The following CTNNA3 variants were observed in gnomAD, a reference collection of about 807,000 sequenced individuals.
CTNNA3 encodes the protein catenin alpha-3.
A neutral mutation model predicts 95.7 loss-of-function variants in CTNNA3; 76 were observed. The observed-to-expected ratio is 0.79, with a 90% CI of 0.66 to 0.96. The LOEUF is 0.96. Ranked by LOEUF, CTNNA3 falls within the 40% of genes least tolerant of loss-of-function variation. The probability of loss-of-function intolerance (pLI) is 0.00; values close to 1 mark genes in which losing one functional copy is unlikely to be tolerated. For synonymous variants in CTNNA3, 431 were observed against 374.4 expected, an observed-to-expected ratio of 1.15 and a Z score of -1.74; for missense variants, 1,191 against 1,089.8, an observed-to-expected ratio of 1.09 and a Z score of -1.31.
intron 7 of CTNNA3, among the ~76,000 whole-genome samples, chr10:66,879,468 T>C (rs1485161923): frequency 6.6e-6 from 1 of 152,082 alleles, no homozygotes; most frequent in Non-Finnish European, 1.5e-5. Flanking sequence ...TAAGAATACC[T>C]AGTCAATCAT....
intron 2 of CTNNA3, among the ~76,000 whole-genome samples, chr10:67,645,710 A>G (rs1456088062): frequency 1.3e-5 from 2 of 152,020 alleles, no homozygotes; most frequent in Non-Finnish European, 2.9e-5. Flanking sequence ...TGTTCAGCAG[A>G]GCAATATTTA....
chr10:66,563,375 A>C (rs1211564288), intron 10 of CTNNA3, among the ~76,000 whole-genome samples: 4 of 152,122 alleles, frequency 2.6e-5, no homozygotes, highest in Admixed American at 6.6e-5. Context: ...TTTCTCTATG[A>C]ATACAGGCAT....
At chr10:67,156,397 T>C (rs1256586521) in intron 7 of CTNNA3, among the ~76,000 whole-genome samples, 1 of 152,106 alleles carries the variant, frequency 6.6e-6, no homozygotes, top group Non-Finnish European at 1.5e-5. Flanking sequence ...AAATATTTCT[T>C]CTTTTTGAAT....
At chr10:67,049,136 G>A (rs1436646695) in intron 7 of CTNNA3, among the ~76,000 whole-genome samples, 1 of 151,740 alleles carries the variant, frequency 6.6e-6, no homozygotes, top group African/African-American at 2.4e-5. Context: ...TTCCATGCAG[G>A]ATAATGTTAG....
chr10:67,678,570 T>C (rs1840572961), intron 1 of CTNNA3, among the ~76,000 whole-genome samples: 2 of 152,200 alleles, frequency 1.3e-5, no homozygotes, highest in South Asian at 2.1e-4. Context: ...ATTGAACATA[T>C]CACCTTAGAG....
At chr10:66,158,448 G>T (rs2084668099) in intron 13 of CTNNA3, among the ~76,000 whole-genome samples, 1 of 151,954 alleles carries the variant, frequency 6.6e-6, no homozygotes, top group Admixed American at 6.6e-5. Context: ...TTTTGTCAAA[G>T]ATCAGTTGGC....
At chr10:66,342,372 T>C (rs535360338) in intron 12 of CTNNA3, among the ~76,000 whole-genome samples, 1 of 152,172 alleles carries the variant, frequency 6.6e-6, no homozygotes, top group Admixed American at 6.6e-5. Flanking sequence ...CATCCATTTA[T>C]TCATTTAGAA....
chr10:66,891,104 T>G (rs1845251848), intron 7 of CTNNA3, among the ~76,000 whole-genome samples: 1 of 152,200 alleles, frequency 6.6e-6, no homozygotes, highest in Admixed American at 6.5e-5. Context: ...TAGGACCAGA[T>G]AAGAATAATT....
rs1365449949 is a variant in CTNNA3 at position 67,395,890 on chromosome 10, T to C, written c.579+125952A>G. 2.6e-5 allele frequency among the ~76,000 whole-genome samples: 4 copies of C among 152,314 alleles called. No individual in the cohort carries two copies. In the East Asian group the frequency reaches 7.7e-4, roughly 29 times the overall value. ...GACCTCAAGGCAATAATTAGTTTAA[T>C]GGCAAAGCCACAAGTCTTGGTTTCC... On this transcript the variant is annotated intron_variant, in intron 5 of 17. Coordinates refer to ENST00000433211, the MANE Select transcript of CTNNA3 (RefSeq NM_013266.4).
At position 67,726,475 on chromosome 10, in the gene CTNNA3, T is replaced by TATATATTATATCATATACAATATATA. The variant is rs1564841200; in HGVS notation, c.-2+36933_-2+36958dup. Among the ~76,000 whole-genome samples the TATATATTATATCATATACAATATATA allele has an allele frequency of 1.9e-4, 11 of 56,900 alleles. No homozygotes were observed. In the East Asian group the frequency reaches 3.5e-3, roughly 18 times the overall value. 37.3% of individuals were successfully genotyped at this position (56,900 alleles called of 152,430 possible). On this transcript the variant is annotated intron_variant, in intron 1 of 17. Transcript: ENST00000684154. ...TTATATATGATATATGATATAATAT[T>TATATATTATATCATATACAATATATA]ATATATTATATCATATACAATATAT...
chr10:66,482,168 C>A (rs1023577156), intron 11 of CTNNA3, among the ~76,000 whole-genome samples: 1 of 152,128 alleles, frequency 6.6e-6, no homozygotes, highest in Non-Finnish European at 1.5e-5. Context: ...TTATGTCTAA[C>A]GCAGACTGTC....
At chr10:66,946,656 C>T (rs565189216) in intron 7 of CTNNA3, among the ~76,000 whole-genome samples, 17 of 152,188 alleles carry the variant, frequency 1.1e-4, no homozygotes, top group African/African-American at 3.1e-4. Flanking sequence ...TTTTGAGTCT[C>T]ACTTATTTCT....
chr10:67,696,894 A>G (rs181090791), upstream of CTNNA3, among the ~76,000 whole-genome samples: 5 of 152,288 alleles, frequency 3.3e-5, no homozygotes, highest in East Asian at 7.7e-4. Context: ...ATTTCCTTGG[A>G]CATTACCATT....
intron 2 of CTNNA3, among the ~76,000 whole-genome samples, chr10:67,632,913 C>T (rs960158329): frequency 2.0e-5 from 3 of 152,188 alleles, no homozygotes; most frequent in African/African-American, 7.2e-5. Context: ...TCCCACAGCA[C>T]CCCACAAGTT....
At chr10:66,814,134 T>C (rs74141695) in intron 7 of CTNNA3, among the ~76,000 whole-genome samples, 34,325 of 151,826 alleles carry the variant, frequency 0.23, 4,224 homozygotes, top group African/African-American at 0.33. Flanking sequence ...ACTGGATATA[T>C]GGGGCAAAAG....
chr10:66,331,223 A>C (rs189714391), intron 12 of CTNNA3, among the ~76,000 whole-genome samples: 1 of 151,746 alleles, frequency 6.6e-6, no homozygotes. Context: ...GTTTTTAATC[A>C]AGCTTGAATT....
chr10:65,938,386 C>T (rs1266354517), intron 17 of CTNNA3, among the ~76,000 whole-genome samples: 2 of 152,046 alleles, frequency 1.3e-5, no homozygotes, highest in Admixed American at 6.6e-5. Context: ...TTTAAATTCT[C>T]TCTCTTCTGT....
chr10:66,749,797 C>T (rs1771844893), intron 9 of CTNNA3, among the ~76,000 whole-genome samples: 1 of 152,168 alleles, frequency 6.6e-6, no homozygotes, highest in Non-Finnish European at 1.5e-5. Flanking sequence ...AACTGTCTTC[C>T]AAAGTGGCTG....
chr10:67,591,557 T>C (rs991597807), intron 3 of CTNNA3, among the ~76,000 whole-genome samples: 2 of 152,110 alleles, frequency 1.3e-5, no homozygotes, highest in African/African-American at 4.8e-5. Flanking sequence ...ATTGAAACAG[T>C]TGGATTCAAT....
Sources: gnomAD v4.1 joint callset for allele counts (sites outside exome capture counted in the v4.1 genomes callset) on GRCh38, gnomAD v4.1.1 for gene constraint, MANE v1.5 for transcripts, NCBI Gene and HGNC (gene_info 2026-07-23, HGNC 2026-07-21) for gene names.